The following RAB40C variants were observed in gnomAD, a reference collection of about 807,000 sequenced individuals.
RAB40C encodes ras-related protein Rab-40C.
Under a neutral mutation model 28.1 loss-of-function variants are expected in RAB40C, and 8 were observed. The ratio of observed to expected loss-of-function variants is 0.28; its 90% CI spans 0.17 to 0.51. The LOEUF is 0.51. Among genes scored for constraint, RAB40C ranks in the 20% least tolerant of loss-of-function variants. RAB40C has a pLI of 0.97. For synonymous variants in RAB40C, 201 were observed against 171.7 expected, an observed-to-expected ratio of 1.17 and a Z score of -1.34; for missense variants, 288 against 405.9, an observed-to-expected ratio of 0.71 and a Z score of 2.50.
chr16:608,581 G>A (rs950590595), intron 1 of RAB40C, among the ~76,000 whole-genome samples: 14 of 152,188 alleles, frequency 9.2e-5, no homozygotes, highest in African/African-American at 3.4e-4. Flanking sequence ...TGAAAAGAAT[G>A]AAACTCGGCT....
At chr16:622,889 G>C (rs1171200764) in intron 3 of RAB40C, among the ~76,000 whole-genome samples, 1 of 152,214 alleles carries the variant, frequency 6.6e-6, no homozygotes, top group African/African-American at 2.4e-5. Context: ...TCTGCCCCTT[G>C]AGACACGCAG....
intron 1 of RAB40C, among the ~76,000 whole-genome samples, chr16:608,006 A>G (rs1182364411): frequency 2.0e-5 from 3 of 151,780 alleles, no homozygotes; most frequent in Non-Finnish European, 2.9e-5. Flanking sequence ...GCCCGTCCCC[A>G]CCTCCCTCCA....
chr16:615,186 A>G (rs2036562038), intron 1 of RAB40C, among the ~76,000 whole-genome samples: 1 of 152,132 alleles, frequency 6.6e-6, no homozygotes, highest in Admixed American at 6.5e-5. Context: ...TCTGGGTTGC[A>G]TTTTTCTGTC....
chr16:618,359 C>G (rs775870936), intron 3 of RAB40C, 99 bp downstream of exon 3: 7 of 1,211,482 alleles, frequency 5.8e-6, no homozygotes, highest in South Asian at 1.5e-5. Flanking sequence ...CAAGGACTTT[C>G]TTTCTTTATA....
chr16:594,310 G>A lies in RAB40C; in HGVS notation c.142+3877G>A, dbSNP rs542159070. ...GGTGGAAGCTGCTGAGTGACACTCCGGTCCTTTGAGCCTGGCAAGTTGTGG... is the reference window on the plus strand; with the variant it reads ...GGTGGAAGCTGCTGAGTGACACTCCAGTCCTTTGAGCCTGGCAAGTTGTGG... On this transcript the variant is annotated intron_variant, in intron 1 of 5. Transcript: ENST00000248139. Among the ~76,000 whole-genome samples the A allele has an allele frequency of 1.7e-4, 26 of 152,248 alleles. No individual in the cohort carries two copies. The East Asian group carries it at 4.8e-3, about 28-fold the overall frequency.
chr16:619,039 A>G (rs1361571627), intron 3 of RAB40C, among the ~76,000 whole-genome samples: 1 of 94,008 alleles, frequency 1.1e-5, no homozygotes, highest in East Asian at 3.3e-4. Flanking sequence ...GTGTACTTGG[A>G]GCTGTGTGTG....
chr16:589,551 G>A (rs1201008069), upstream of RAB40C: 2 of 152,288 alleles, frequency 1.3e-5, no homozygotes, highest in East Asian at 3.8e-4. Context: ...CGAGCGTGTA[G>A]GAAAGGGGCG....
At chr16:614,862 C>T (rs1481762058) in intron 1 of RAB40C, among the ~76,000 whole-genome samples, 1 of 152,086 alleles carries the variant, frequency 6.6e-6, no homozygotes, top group African/African-American at 2.4e-5. Flanking sequence ...AGCCGCATCC[C>T]GATGGTGAAC....
chr16:615,321 G>A (rs779487429), intron 1 of RAB40C, among the ~76,000 whole-genome samples: 16 of 152,216 alleles, frequency 1.1e-4, no homozygotes, highest in Non-Finnish European at 4.4e-5. Flanking sequence ...CAGAGAGACC[G>A]CATGGCTGGC....
At chr16:607,785 C>T (rs542217525) in intron 1 of RAB40C, among the ~76,000 whole-genome samples, 7 of 152,078 alleles carry the variant, frequency 4.6e-5, no homozygotes, top group African/African-American at 1.2e-4. Context: ...AGCAAGACTC[C>T]GTCTCAAAAA....
intron 1 of RAB40C, among the ~76,000 whole-genome samples, chr16:604,345 G>C (rs891401609): frequency 6.6e-6 from 1 of 152,112 alleles, no homozygotes; most frequent in African/African-American, 2.4e-5. Context: ...ACACAAATAC[G>C]CACGAGGCCT....
At chr16:601,427 C>T (rs983813731) in intron 1 of RAB40C, among the ~76,000 whole-genome samples, 1 of 152,072 alleles carries the variant, frequency 6.6e-6, no homozygotes, top group Admixed American at 6.6e-5. Context: ...GAGCCCGGGT[C>T]GCCAGGATCC....
At chr16:617,741 GCTGA>G (rs1389282013) in intron 2 of RAB40C, among the ~76,000 whole-genome samples, 1 of 152,322 alleles carries the variant, frequency 6.6e-6, no homozygotes, top group African/African-American at 2.4e-5. Context: ...CACTCAGGAG[GCTGA>G]GGCAGTAGAA....
chr16:614,251 C>T lies in RAB40C; in HGVS notation c.143-2957C>T, dbSNP rs982612160. Among the ~76,000 whole-genome samples the T allele has an allele frequency of 9.8e-4, 147 of 150,602 alleles. 1 individual carries two copies. The highest frequency in any genetic ancestry group is 1.2e-3 in the Non-Finnish European group (83 of 67,722). ...GATGGTGAACTGCCTAACTCTACCT[C>T]GTCCCGATGGTGAACTGCCTAACTC... On this transcript the variant is annotated intron_variant, in intron 1 of 5. Coordinates refer to ENST00000248139, the MANE Select transcript of RAB40C (RefSeq NM_021168.5).
intron 3 of RAB40C, 145 bp from the exon 4 acceptor site, chr16:625,287 A>G: frequency 6.9e-7 from 1 of 1,458,142 alleles, no homozygotes; most frequent in Non-Finnish European, 9.1e-7. Context: ...CTCTGCCTGG[A>G]GGGCATGGCT....
In RAB40C at chr16:627,914, T is replaced by C; in HGVS notation, c.*292T>C. The C allele has an allele frequency of 2.4e-6, 1 of 421,792 alleles. No individual in the cohort carries two copies. Among genetic ancestry groups the C allele is most frequent in the South Asian group, 6.2e-5 (1 of 16,174 alleles). 26.1% of individuals were successfully genotyped at this position (421,792 alleles called of 1,614,324 possible). A position where few individuals can be genotyped will look rare whatever the true frequency, so the allele number is the denominator to read the frequency against. On this transcript the variant is annotated 3_prime_UTR_variant, in exon 6 of 6. Transcript: ENST00000248139. ...GACCGGCGGGGAGCCTGGTTGGCCT[T>C]TCTTATTTATATAGAGAACACTTCA...
At chr16:624,538 A>G (rs2036786130) in intron 3 of RAB40C, 1 of 985,298 alleles carries the variant, frequency 1.0e-6, no homozygotes, top group South Asian at 4.7e-5. Context: ...AGTCTTCCAG[A>G]TATCGAAAGA....
chr16:625,092 T>TAG lies in RAB40C; in HGVS notation c.265-339_265-338dup. 2.3e-6 allele frequency: 3 copies of TAG among 1,309,564 alleles called. No homozygotes were observed. The South Asian group carries it at 3.7e-5, about 16-fold the overall frequency. 81.1% of individuals were successfully genotyped at this position (1,309,564 alleles called of 1,614,324 possible). A position where few individuals can be genotyped will look rare whatever the true frequency, so the allele number is the denominator to read the frequency against. ...CTGATGGACTGGCCGAGAGGACACT[T>TAG]AGCTTCCACAGCTGCACGTCCCCCG... is the stretch of plus-strand genomic sequence containing the variant. On this transcript the variant is annotated intron_variant, in intron 3 of 5. Coordinates refer to ENST00000248139, the MANE Select transcript of RAB40C (RefSeq NM_021168.5).
At chr16:618,517 G>A (rs1344509860) in intron 3 of RAB40C, among the ~76,000 whole-genome samples, 1 of 152,272 alleles carries the variant, frequency 6.6e-6, no homozygotes, top group Non-Finnish European at 1.5e-5. Context: ...AGCCTCCCCA[G>A]TAGCTGGGAG....
Sources: allele counts gnomAD v4.1 joint callset (sites outside exome capture counted in the v4.1 genomes callset), GRCh38; gene constraint gnomAD v4.1.1; transcripts MANE v1.5; gene names NCBI Gene and HGNC (gene_info 2026-07-23, HGNC 2026-07-21).